TENM3: variants seen among roughly 807,000 people sequenced by gnomAD.
TENM3 encodes teneurin transmembrane protein 3.
A neutral mutation model predicts 255.1 loss-of-function variants in TENM3; 63 were observed. The ratio of observed to expected loss-of-function variants is 0.25; its 90% CI spans 0.20 to 0.30. The LOEUF (loss-of-function observed/expected upper bound fraction) is 0.30, where lower values mean the gene tolerates loss of function less well. Among genes scored for constraint, TENM3 ranks in the 10% least tolerant of loss-of-function variants. The pLI is 1.00. For synonymous variants in TENM3, 1,306 were observed against 1,322.3 expected, an observed-to-expected ratio of 0.99 and a Z score of 0.27; for missense variants, 2,929 against 3,461.1, an observed-to-expected ratio of 0.85 and a Z score of 3.86.
At chr4:182,624,085 G>A in intron 4 of TENM3, among the ~76,000 whole-genome samples, 1 of 152,118 alleles carries the variant, frequency 6.6e-6, no homozygotes, top group Admixed American at 6.5e-5. Flanking sequence ...CGTGGTCTCT[G>A]CTTCTCCAGG....
chr4:182,154,123 A>G (rs2149591213), intron 1 of TENM3, among the ~76,000 whole-genome samples: 1 of 152,010 alleles, frequency 6.6e-6, no homozygotes, highest in Middle Eastern at 3.4e-3. Context: ...TTATTAATGC[A>G]CATTATGCTT....
the TENM3 span, among the ~76,000 whole-genome samples, chr4:182,042,880 CGTGTGTGTGT>C: frequency 6.7e-4 from 100 of 149,362 alleles, 1 homozygote; most frequent in African/African-American, 2.2e-3. Context: ...ATCGTGTGTG[CGTGTGTGTGT>C]GTGTGTGTGT....
the TENM3 span, among the ~76,000 whole-genome samples, chr4:181,984,395 T>C: frequency 6.6e-6 from 1 of 151,998 alleles, no homozygotes; most frequent in Non-Finnish European, 1.5e-5. Context: ...AATAAGTAAG[T>C]GCAAAAATAG....
intron 3 of TENM3, among the ~76,000 whole-genome samples, chr4:182,379,382 A>T (rs1767412066): frequency 6.6e-6 from 1 of 152,162 alleles, no homozygotes; most frequent in Admixed American, 6.5e-5. Context: ...TATTGCAAGA[A>T]ACAGGAAGAG....
chr4:182,419,463 G>A (rs559683710), intron 3 of TENM3, among the ~76,000 whole-genome samples: 11 of 152,252 alleles, frequency 7.2e-5, no homozygotes, highest in Non-Finnish European at 8.8e-5. Context: ...TCAGTGTGGC[G>A]ATTCCTCAAG....
the TENM3 span, among the ~76,000 whole-genome samples, chr4:181,750,830 G>A: frequency 5.3e-5 from 8 of 152,270 alleles, no homozygotes; most frequent in South Asian, 1.5e-3. Flanking sequence ...TGATATAAAA[G>A]AATGCTGTTG....
At chr4:181,673,976 ATTTCT>A in the TENM3 span, among the ~76,000 whole-genome samples, 8 of 151,728 alleles carry the variant, frequency 5.3e-5, no homozygotes, top group African/African-American at 1.9e-4. Context: ...AGTATGGCGA[ATTTCT>A]TTTCTTTTCT....
At chr4:182,668,251 TA>T (rs1413360565) in intron 6 of TENM3, among the ~76,000 whole-genome samples, 1 of 152,168 alleles carries the variant, frequency 6.6e-6, no homozygotes, top group Non-Finnish European at 1.5e-5. Flanking sequence ...CTGGAAGTTT[TA>T]TGCTCCAAGA....
rs150767442 is a variant in TENM3 at position 182,504,374 on chromosome 4, C to T, written c.512-96550C>T. Among the ~76,000 whole-genome samples the T allele has an allele frequency of 5.0e-3, 762 of 152,214 alleles. 7 individuals carry two copies. Among genetic ancestry groups the T allele is most frequent in the African/African-American group, 0.017 (723 of 41,520 alleles). The stretch of plus-strand genomic sequence containing the variant: ...TAAATATTTATTAAATAAAGAAAGA[C>T]TCTTGATTTAATGTGCTGGCTTTCA... On this transcript the variant is annotated intron_variant, in intron 3 of 27. Transcript: ENST00000511685.
the TENM3 span, among the ~76,000 whole-genome samples, chr4:181,723,862 A>G: frequency 1.3e-5 from 2 of 152,218 alleles, no homozygotes; most frequent in African/African-American, 4.8e-5. Context: ...CTGAGAAAAG[A>G]ACATTTTTTA....
chr4:181,762,069 A>C, the TENM3 span, among the ~76,000 whole-genome samples: 1 of 152,178 alleles, frequency 6.6e-6, no homozygotes, highest in East Asian at 1.9e-4. Flanking sequence ...GAGCAGCACC[A>C]ACCACTCCGT....
At chr4:182,043,657 A>G in the TENM3 span, among the ~76,000 whole-genome samples, 1 of 152,222 alleles carries the variant, frequency 6.6e-6, no homozygotes, top group East Asian at 1.9e-4. Flanking sequence ...TTATTATTGA[A>G]GTATCCGGGG....
intron 1 of TENM3, among the ~76,000 whole-genome samples, chr4:182,252,996 T>G (rs1169706410): frequency 6.6e-6 from 1 of 152,178 alleles, no homozygotes; most frequent in Admixed American, 6.5e-5. Context: ...TATTTTCCCA[T>G]GAACTCTGCC....
intron 22 of TENM3, among the ~76,000 whole-genome samples, chr4:182,760,150 C>T (rs979356616): frequency 6.6e-6 from 1 of 152,178 alleles, no homozygotes; most frequent in Non-Finnish European, 1.5e-5. Context: ...TGTATGAAGA[C>T]ACTGTGTCTT....
chr4:182,135,437 G>A, the TENM3 span, among the ~76,000 whole-genome samples: 2 of 152,220 alleles, frequency 1.3e-5, no homozygotes, highest in South Asian at 4.1e-4. Flanking sequence ...ACACAACTGT[G>A]GCCTAATGTA....
chr4:182,155,845 T>G (rs1436007827), intron 1 of TENM3, among the ~76,000 whole-genome samples: 5 of 152,134 alleles, frequency 3.3e-5, no homozygotes, highest in Admixed American at 1.3e-4. Context: ...TTGGAATATA[T>G]GTGTTTCAAT....
chr4:181,830,302 T>C, the TENM3 span, among the ~76,000 whole-genome samples: 3 of 152,284 alleles, frequency 2.0e-5, no homozygotes, highest in African/African-American at 7.2e-5. Flanking sequence ...AGAGTCTTGC[T>C]CTGTCACCCA....
the TENM3 span, among the ~76,000 whole-genome samples, chr4:182,107,958 C>T: frequency 6.6e-6 from 1 of 152,256 alleles, no homozygotes; most frequent in Non-Finnish European, 1.5e-5. Context: ...AATCAAGGTT[C>T]TTCAAGTCAC....
At chr4:182,449,604 G>A (rs1398189770) in intron 3 of TENM3, among the ~76,000 whole-genome samples, 1 of 152,178 alleles carries the variant, frequency 6.6e-6, no homozygotes, top group African/African-American at 2.4e-5. Context: ...TCTGAAATGT[G>A]CAAAAATCGG....
Sources: gnomAD v4.1 joint callset for allele counts (sites outside exome capture counted in the v4.1 genomes callset) on GRCh38, gnomAD v4.1.1 for gene constraint, MANE v1.5 for transcripts, NCBI Gene and HGNC (gene_info 2026-07-23, HGNC 2026-07-21) for gene names.